Variants in LRP1B observed in about 807,000 individuals in gnomAD.
The protein encoded by LRP1B is LDL receptor related protein 1B.
LRP1B carries 217 observed loss-of-function variants against 556.6 expected under a neutral mutation model. The observed-to-expected ratio is 0.39, with a 90% CI of 0.35 to 0.44. LRP1B has a LOEUF of 0.44. Among genes scored for constraint, LRP1B ranks in the 20% least tolerant of loss-of-function variants. The pLI is 1.00. For missense variants in LRP1B, 5,053 were observed against 5,620.8 expected, an observed-to-expected ratio of 0.90 and a Z score of 3.23; for synonymous variants, 2,047 against 1,865.8, an observed-to-expected ratio of 1.10 and a Z score of -2.50.
intron 5 of LRP1B, among the ~76,000 whole-genome samples, chr2:141,242,384 C>T (rs568957934): frequency 2.0e-4 from 30 of 151,702 alleles, no homozygotes; most frequent in East Asian, 1.5e-3. Flanking sequence ...TTATTTTTTT[C>T]TCTCTCTCTC....
intron 41 of LRP1B, among the ~76,000 whole-genome samples, chr2:140,628,302 G>A (rs766568449): frequency 5.9e-5 from 9 of 152,022 alleles, no homozygotes; most frequent in Non-Finnish European, 8.8e-5. Context: ...AGGCCGAGGC[G>A]GGAGGATCAC....
At chr2:142,066,518 C>T (rs1043847946) in intron 1 of LRP1B, among the ~76,000 whole-genome samples, 1 of 151,424 alleles carries the variant, frequency 6.6e-6, no homozygotes, top group African/African-American at 2.4e-5. Flanking sequence ...GTTCTTAATT[C>T]CTTATGATTC....
intron 2 of LRP1B, among the ~76,000 whole-genome samples, chr2:141,624,064 A>G (rs2105339952): frequency 6.6e-6 from 1 of 150,862 alleles, no homozygotes; most frequent in African/African-American, 2.4e-5. Flanking sequence ...AAAAAAAACA[A>G]GATTAGTACA....
intron 18 of LRP1B, among the ~76,000 whole-genome samples, chr2:140,958,208 T>A (rs946844660): frequency 6.6e-6 from 1 of 151,456 alleles, no homozygotes; most frequent in Non-Finnish European, 1.5e-5. Flanking sequence ...CAGGATTAGA[T>A]CCAGAATATC....
intron 7 of LRP1B, among the ~76,000 whole-genome samples, chr2:141,124,935 C>G (rs929474798): frequency 3.3e-5 from 5 of 152,216 alleles, no homozygotes; most frequent in Middle Eastern, 3.4e-3. Context: ...GACCACTAAC[C>G]TTCCACCTTT....
chr2:140,852,809 T>C (rs2105124687), intron 27 of LRP1B, among the ~76,000 whole-genome samples: 1 of 152,238 alleles, frequency 6.6e-6, no homozygotes, highest in South Asian at 2.1e-4. Flanking sequence ...CTTGGGACAT[T>C]TTGAATTTTA....
At chr2:140,957,213 A>C (rs1695899521) in intron 18 of LRP1B, among the ~76,000 whole-genome samples, 1 of 151,710 alleles carries the variant, frequency 6.6e-6, no homozygotes, top group South Asian at 2.1e-4. Context: ...AAAGGGATAT[A>C]AAACTGATAT....
intron 2 of LRP1B, among the ~76,000 whole-genome samples, chr2:141,610,323 A>ATTATTATT (rs143503631): frequency 0.29 from 35,950 of 122,178 alleles, 5,168 homozygotes; most frequent in East Asian, 0.51. Context: ...CTTAAAGTAT[A>ATTATTATT]ATAATAATAA....
chr2:141,920,749 G>A (rs1355814833), intron 1 of LRP1B, among the ~76,000 whole-genome samples: 1 of 151,900 alleles, frequency 6.6e-6, no homozygotes, highest in Non-Finnish European at 1.5e-5. Flanking sequence ...ATGTATGAAT[G>A]CCAGGAAATG....
chr2:140,947,130 T>C (rs1188104522), intron 20 of LRP1B, among the ~76,000 whole-genome samples: 1 of 152,090 alleles, frequency 6.6e-6, no homozygotes, highest in Non-Finnish European at 1.5e-5. Context: ...AAAATACTCT[T>C]AACAATAAAC....
rs528910865 is a variant in LRP1B, at chr2:141,054,652, T to C, written c.1552+464A>G. Among the ~76,000 whole-genome samples, 5 of 152,030 alleles carry C rather than the reference T, an allele frequency of 3.3e-5. No individual in the cohort carries two copies. The South Asian group carries it at 6.2e-4, about 19-fold the overall frequency. ...GGTATAGCTTCAGCTATCTGAAAAA[T>C]TGAATCATGACAAATTAAATCATGG... On this transcript the variant is annotated intron_variant, in intron 10 of 90. Transcript: ENST00000389484.
rs765023876 is a variant in LRP1B at position 141,526,247 on chromosome 2, T to C, written c.206-45714A>G. ...GCCATATTCAATCAATGTTTCTCTTTAGTAGCACATAAAGTTTCTTTTTAG... is the reference window on the plus strand; with the variant it reads ...GCCATATTCAATCAATGTTTCTCTTCAGTAGCACATAAAGTTTCTTTTTAG... On this transcript the variant is annotated intron_variant, in intron 2 of 90. Coordinates refer to ENST00000389484, the MANE Select transcript of LRP1B (RefSeq NM_018557.3). 2.8e-4 allele frequency among the ~76,000 whole-genome samples: 42 copies of C among 152,038 alleles called. 1 individual carries two copies. The highest frequency in any genetic ancestry group is 6.6e-4 in the Admixed American group (10 of 15,240).
intron 32 of LRP1B, among the ~76,000 whole-genome samples, chr2:140,800,232 A>T (rs1244771625): frequency 6.6e-6 from 1 of 151,976 alleles, no homozygotes; most frequent in Non-Finnish European, 1.5e-5. Flanking sequence ...GGAACATCAC[A>T]CACTGGGGCC....
intron 43 of LRP1B, among the ~76,000 whole-genome samples, chr2:140,593,984 AT>A (rs113603730): frequency 5.9e-4 from 87 of 146,676 alleles, no homozygotes; most frequent in Middle Eastern, 3.5e-3. Flanking sequence ...CATCATGTTA[AT>A]TTTTTTTTTT....
At chr2:141,873,895 C>T (rs1698671319) in intron 1 of LRP1B, among the ~76,000 whole-genome samples, 1 of 151,506 alleles carries the variant, frequency 6.6e-6, no homozygotes, top group Admixed American at 6.6e-5. Context: ...GAGAGTATAG[C>T]CTAGTGAATT....
At chr2:141,259,169 G>A (rs190509730) in intron 3 of LRP1B, among the ~76,000 whole-genome samples, 7 of 152,274 alleles carry the variant, frequency 4.6e-5, no homozygotes, top group African/African-American at 1.7e-4. Flanking sequence ...TAAATAGTAA[G>A]AGGGAGTCTA....
chr2:141,900,795 A>T (rs1699595814), intron 1 of LRP1B, among the ~76,000 whole-genome samples: 1 of 152,080 alleles, frequency 6.6e-6, no homozygotes, highest in Non-Finnish European at 1.5e-5. Flanking sequence ...TAACGTGTAC[A>T]TTTTCAAATA....
intron 51 of LRP1B, among the ~76,000 whole-genome samples, chr2:140,513,069 A>G (rs1211377016): frequency 6.6e-6 from 1 of 152,158 alleles, no homozygotes; most frequent in Non-Finnish European, 1.5e-5. Context: ...TTCGACAAAG[A>G]AAGGAGGCAG....
chr2:140,569,104 T>C (rs1392849066), intron 43 of LRP1B, among the ~76,000 whole-genome samples: 2 of 151,456 alleles, frequency 1.3e-5, no homozygotes, highest in Admixed American at 6.6e-5. Flanking sequence ...CCAAACCTTA[T>C]CACAACAACA....
Sources: gnomAD v4.1 joint callset for allele counts (sites outside exome capture counted in the v4.1 genomes callset) on GRCh38, gnomAD v4.1.1 for gene constraint, MANE v1.5 for transcripts, NCBI Gene and HGNC (gene_info 2026-07-23, HGNC 2026-07-21) for gene names.